The following NPR2 variants were observed in gnomAD, a reference collection of about 807,000 sequenced individuals.
NPR2 encodes atrial natriuretic peptide receptor 2.
NPR2 carries 49 observed loss-of-function variants against 120.7 expected under a neutral mutation model. The ratio of observed to expected loss-of-function variants is 0.41; its 90% confidence interval spans 0.32 to 0.52. The LOEUF is 0.52. Among genes scored for constraint, NPR2 ranks in the 20% least tolerant of loss-of-function variants. NPR2 has a pLI of 0.36. For synonymous variants in NPR2, 484 were observed against 519.8 expected (o/e 0.93, Z 0.94); for missense variants, 931 against 1,362.9 (o/e 0.68, Z 4.99).
rs1298378377 is a variant in NPR2 at position 35,802,024 on chromosome 9, G to T, written c.1632+24G>T. 3 of 1,603,100 alleles carry T rather than the reference G, an allele frequency of 1.9e-6. No homozygotes were observed. The highest frequency in any genetic ancestry group is 4.5e-5 in the East Asian group (2 of 44,810). Reference sequence around the variant, plus strand: ...AGGTGAACAGTCATTTGCTTGTTCTGGTCCCCACCATTTCATCCTGTCTCA... The same window carrying T: ...AGGTGAACAGTCATTTGCTTGTTCTTGTCCCCACCATTTCATCCTGTCTCA... On this transcript the variant is annotated intron_variant, in intron 9 of 21. Transcript: ENST00000342694. This position sits in a 1 kb window ranked among gnomAD's most constrained non-coding sequence, Gnocchi z 4.2.
At chr9:35,807,540 T>C (rs1213162624) in intron 18 of NPR2, 142 bp downstream of exon 18, 3 of 752,454 alleles carry the variant, frequency 4.0e-6, no homozygotes, top group Non-Finnish European at 7.2e-6. Context: ...TGCTGGAGTG[T>C]ACTTCGTAGA....
chr9:35,803,127 G>A (rs1312592648), intron 12 of NPR2, among the ~76,000 whole-genome samples: 2 of 81,146 alleles, frequency 2.5e-5, no homozygotes, highest in Non-Finnish European at 2.3e-5. Flanking sequence ...TTTTTGAGAC[G>A]GAGTCTCGCT....
Position 35,802,696 on chromosome 9 carries a change from A to G in NPR2, c.1816-36A>G. ...TCTATGCTGGGTGATAGCTGGTGGG[A>G]CCAGGACAGACAGTCTATTCCATGT... On this transcript the variant is annotated intron_variant, in intron 11 of 21. Transcript: ENST00000342694. This position sits in a 1 kb window ranked among gnomAD's most constrained non-coding sequence, Gnocchi z 4.2. 1 of 1,544,808 alleles carries G rather than the reference A, an allele frequency of 6.5e-7. No homozygotes were observed. Among genetic ancestry groups the G allele is most frequent in the African/African-American group, 1.4e-5 (1 of 73,610 alleles).
At chr9:35,797,086 C>A (rs1273604697) in intron 2 of NPR2, among the ~76,000 whole-genome samples, 1 of 152,218 alleles carries the variant, frequency 6.6e-6, no homozygotes, top group Admixed American at 6.5e-5. Context: ...TAGCCACTAG[C>A]TGCTCCAGGG....
chr9:35,799,876 T>C (rs1828078992), intron 3 of NPR2, 145 bp downstream of exon 3: 22 of 1,405,316 alleles, frequency 1.6e-5, no homozygotes, highest in Non-Finnish European at 2.1e-5. Flanking sequence ...TTCTGCCCTA[T>C]GGAGTAGTTA....
chr9:35,792,601 C>T lies in NPR2; in HGVS notation c.193C>T (p.Arg65Trp), dbSNP rs906456007. ...GGGCCGGGCACTGCCCGTGGACCTG[C>T]GGTTTGTCAGCTCCGAACTGGAAGG... ...ALGRALPVDL[R>W]FVSSELEGAC... The change falls in exon 1 of 22, where the codon CGG (arginine) becomes TGG (tryptophan). Residue 65 changes from arginine (R) to tryptophan (W), a missense_variant. Physicochemically the swap from Arg to Trp is moderately radical, Grantham distance 101. This residue lies in a region of NPR2 where 681 missense variants were observed against 974.3 expected (regional missense o/e 0.70). Transcript: ENST00000342694. 22 of 1,613,556 alleles carry T rather than the reference C, an allele frequency of 1.4e-5. No homozygotes were observed. The highest frequency in any genetic ancestry group is 1.9e-5 in the Non-Finnish European group (22 of 1,180,004).
At chr9:35,807,494 T>C in intron 18 of NPR2, 96 bp downstream of exon 18, 4 of 986,062 alleles carry the variant, frequency 4.1e-6, no homozygotes, top group South Asian at 2.5e-5. Flanking sequence ...ACCCACCCCA[T>C]GATCAGTTTT....
chr9:35,793,887 C>T lies in NPR2; in HGVS notation c.668-11C>T, dbSNP rs1477576370. 2.5e-6 allele frequency: 4 copies of T among 1,614,096 alleles called. No homozygotes were observed. The South Asian group carries it at 4.4e-5, about 18-fold the overall frequency. On this transcript the variant is annotated splice_polypyrimidine_tract_variant and intron_variant, in intron 1 of 21. Coordinates refer to ENST00000342694, the MANE Select transcript of NPR2 (RefSeq NM_003995.4). ...TCTCAGGGTGCTCCTCTGTCATGTA[C>T]CTGCTCCCAGTTGTGTATATCTGCG...
In NPR2 at chr9:35,805,709, C is replaced by A. The variant is rs774242903; in HGVS notation, c.2047+39C>A. ...CCACAACCCACTTTTTATATTGCTC[C>A]TCTTTCCACCTAGGGATGGTGGGAG... is the stretch of plus-strand genomic sequence containing the variant. On this transcript the variant is annotated intron_variant, in intron 13 of 21. Transcript: ENST00000342694. The surrounding 1 kb of genome is among the most constrained non-coding windows in gnomAD (Gnocchi z 4.9). 2.0e-5 allele frequency: 32 copies of A among 1,612,396 alleles called. No individual in the cohort carries two copies. The highest frequency in any genetic ancestry group is 8.3e-5 in the Admixed American group (5 of 60,006).
At chr9:35,801,790 T>G in intron 8 of NPR2, 27 bp downstream of exon 8, 1 of 1,614,130 alleles carries the variant, frequency 6.2e-7, no homozygotes, top group Non-Finnish European at 8.5e-7. Flanking sequence ...GCTGTTCCTC[T>G]GCCTCCCTCT....
Position 35,809,046 on chromosome 9 carries a change from G to A in NPR2, c.2987-110G>A. The A allele has an allele frequency of 8.8e-7, 1 of 1,141,276 alleles. No homozygotes were observed. The highest frequency in any genetic ancestry group is 1.3e-6 in the Non-Finnish European group (1 of 753,446). The allele number at this position is 1,141,276 out of a possible 1,614,324, so 70.7% of individuals were successfully genotyped here. The stretch of plus-strand genomic sequence containing the variant: ...TGGTCCTAATAGATATGCATTGGGA[G>A]CTTCCCAGGGATGGTTGGTCGGGCA... On this transcript the variant is annotated intron_variant, in intron 20 of 21. Coordinates refer to ENST00000342694, the MANE Select transcript of NPR2 (RefSeq NM_003995.4). The surrounding 1 kb of genome is among the most constrained non-coding windows in gnomAD (Gnocchi z 4.1).
chr9:35,805,612 T>C lies in NPR2; in HGVS notation c.1989T>C (p.Tyr663=), dbSNP rs115656950. 1.5e-5 allele frequency: 24 copies of C among 1,614,228 alleles called. No homozygotes were observed. The East Asian group carries it at 5.3e-4, about 36-fold the overall frequency. ...GTTTTGTGCTCAAAATCACAGACTA[T>C]GGCCTGGCCAGCTTCCGATCAACTG... The part of the protein sequence containing the change: ...DSRFVLKITD[Y]GLASFRSTAE... Residue 663 remains tyrosine, a synonymous_variant, in exon 13 of 22, where the codon TAT becomes TAC. Transcript: ENST00000342694. The surrounding 1 kb of genome is among the most constrained non-coding windows in gnomAD (Gnocchi z 4.9).
chr9:35,793,893 C>T lies in NPR2; in HGVS notation c.668-5C>T. 1 of 1,614,100 alleles carries T rather than the reference C, an allele frequency of 6.2e-7. No homozygotes were observed. The highest frequency in any genetic ancestry group is 8.5e-7 in the Non-Finnish European group (1 of 1,179,998). On this transcript the variant is annotated splice_region_variant and splice_polypyrimidine_tract_variant and intron_variant, in intron 1 of 21. Coordinates refer to ENST00000342694, the MANE Select transcript of NPR2 (RefSeq NM_003995.4). ...GGTGCTCCTCTGTCATGTACCTGCT[C>T]CCAGTTGTGTATATCTGCGGCCCTC...
Position 35,800,268 on chromosome 9 carries a change from G to A in NPR2, c.1123+111G>A, listed in dbSNP as rs1023064022. 6 of 1,404,040 alleles carry A rather than the reference G, an allele frequency of 4.3e-6. No homozygotes were observed. The African/African-American group carries it at 8.5e-5, about 20-fold the overall frequency. The allele number at this position is 1,404,040 out of a possible 1,614,324, so 87.0% of individuals were successfully genotyped here. A position where few individuals can be genotyped will look rare whatever the true frequency, so the allele number is the denominator to read the frequency against. On this transcript the variant is annotated intron_variant, in intron 4 of 21. Coordinates refer to ENST00000342694, the MANE Select transcript of NPR2 (RefSeq NM_003995.4). This position sits in a 1 kb window ranked among gnomAD's most constrained non-coding sequence, Gnocchi z 4.7. Reference sequence around the variant, plus strand: ...AGCTTTAGTGGGGGTTAGTGAATATGGCAGAGTTGCCCACACCTCAAGATC... The same window carrying A: ...AGCTTTAGTGGGGGTTAGTGAATATAGCAGAGTTGCCCACACCTCAAGATC...
chr9:35,805,561 G>A lies in NPR2; in HGVS notation c.1938G>A (p.Lys646=). ...TTATTTCATCGCATGGGAGTCTCAA[G>A]TCCTCCAACTGTGTGGTGGATAGTC... ...NSIISSHGSL[K]SSNCVVDSRF... is the part of the protein sequence containing the mutation. The change falls in exon 13 of 22, where the codon AAG becomes AAA. Residue 646 remains lysine, a synonymous_variant. Coordinates refer to ENST00000342694, the MANE Select transcript of NPR2 (RefSeq NM_003995.4). The surrounding 1 kb of genome is among the most constrained non-coding windows in gnomAD (Gnocchi z 4.9). The A allele has an allele frequency of 6.2e-7, 1 of 1,614,172 alleles. No individual in the cohort carries two copies. Among genetic ancestry groups the A allele is most frequent in the South Asian group, 1.1e-5 (1 of 91,078 alleles).
At position 35,793,986 on chromosome 9, in the gene NPR2, C is replaced by T; in HGVS notation, c.756C>T (p.Phe252=). 1 of 1,614,224 alleles carries T rather than the reference C, an allele frequency of 6.2e-7. No individual in the cohort carries two copies. Among genetic ancestry groups the T allele is most frequent in the Non-Finnish European group, 8.5e-7 (1 of 1,180,036 alleles). ...ATCTGACCAATGGGGATTATGTCTT[C>T]TTTTACCTGGATGTCTTTGGGGAGA... The part of the protein sequence containing the change: ...RENLTNGDYV[F]FYLDVFGESL... Residue 252 remains phenylalanine (F), a synonymous_variant, in exon 2 of 22, where the codon TTC becomes TTT. Transcript: ENST00000342694.
chr9:35,798,560 TATGGTCCAC>T (rs1828018807), intron 2 of NPR2, among the ~76,000 whole-genome samples: 2 of 152,260 alleles, frequency 1.3e-5, no homozygotes, highest in African/African-American at 4.8e-5. Context: ...AGCGTATCTC[TATGGTCCAC>T]ATGTACTTTC....
chr9:35,806,246 T>C lies in NPR2; in HGVS notation c.2372+13T>C. The C allele has an allele frequency of 6.2e-7, 1 of 1,614,032 alleles. No individual in the cohort carries two copies. The highest frequency in any genetic ancestry group is 8.5e-7 in the Non-Finnish European group (1 of 1,180,004). On this transcript the variant is annotated intron_variant, in intron 15 of 21. Transcript: ENST00000342694. This position sits in a 1 kb window ranked among gnomAD's most constrained non-coding sequence, Gnocchi z 4.6. The stretch of plus-strand genomic sequence containing the variant: ...GGCGCTTTAACAAGTGAGAGGGCAT[T>C]ATGGGGCAGGGGCTTCCCAGGGATA...
At position 35,799,697 on chromosome 9, in the gene NPR2, G is replaced by A. The variant is rs144940095; in HGVS notation, c.953G>A (p.Arg318Gln). ...EFQNRLLIRA[R>Q]EDFGVELGPS... ...CAGAATCGTCTGCTGATAAGAGCCC[G>A]GGAAGACTTTGGTGTGGAGCTGGGC... The change falls in exon 3 of 22, where the codon CGG becomes CAG. Residue 318 changes from arginine to glutamine, a missense_variant. Arg to Gln is a conservative substitution (Grantham distance 43, BLOSUM62 1). Coordinates refer to ENST00000342694, the MANE Select transcript of NPR2 (RefSeq NM_003995.4). 165 of 1,613,772 alleles carry A rather than the reference G, an allele frequency of 1.0e-4. No homozygotes were observed. Among genetic ancestry groups the A allele is most frequent in the Non-Finnish European group, 1.3e-4 (148 of 1,179,982 alleles).
Sources: gnomAD v4.1 joint callset for allele counts (sites outside exome capture counted in the v4.1 genomes callset) on GRCh38, gnomAD v4.1.1 for gene constraint, gnomAD v4.1.1 regional missense constraint, Gnocchi (gnomAD v3.1) non-coding constraint, MANE v1.5 for transcripts, NCBI Gene and HGNC (gene_info 2026-07-23, HGNC 2026-07-21) for gene names.